GRM3: variants seen among roughly 807,000 people sequenced by gnomAD.
GRM3 encodes glutamate metabotropic receptor 3, also known as metabotropic glutamate receptor 3.
Under a neutral mutation model 70.5 loss-of-function variants are expected in GRM3, and 26 were observed. The ratio of observed to expected loss-of-function variants is 0.37; its 90% CI spans 0.27 to 0.51. The LOEUF (loss-of-function observed/expected upper bound fraction) is 0.51. Ranked by LOEUF, GRM3 falls within the 20% of genes least tolerant of loss-of-function variation. GRM3 has a pLI of 0.93. For synonymous variants in GRM3, 443 were observed against 434.9 expected, an observed-to-expected ratio of 1.02 and a Z score of -0.23; for missense variants, 859 against 1,123.8, an observed-to-expected ratio of 0.76 and a Z score of 3.37.
At chr7:86,789,231 A>G (rs1797346457) in intron 3 of GRM3, among the ~76,000 whole-genome samples, 1 of 152,194 alleles carries the variant, frequency 6.6e-6, no homozygotes, top group Non-Finnish European at 1.5e-5. Context: ...TAAACTACAT[A>G]AAAGAGAGGG....
At chr7:86,792,403 A>C (rs932712460) in intron 3 of GRM3, among the ~76,000 whole-genome samples, 2 of 152,218 alleles carry the variant, frequency 1.3e-5, no homozygotes, top group African/African-American at 4.8e-5. Flanking sequence ...TTTGCTAAGC[A>C]TAACTGCCAG....
chr7:86,707,679 T>G (rs1014497179), intron 1 of GRM3, among the ~76,000 whole-genome samples: 8 of 152,096 alleles, frequency 5.3e-5, no homozygotes, highest in Non-Finnish European at 7.4e-5. Context: ...GGTTCATTAT[T>G]ATTACATAAA....
chr7:86,704,388 C>A (rs1287682747), intron 1 of GRM3, among the ~76,000 whole-genome samples: 4 of 151,796 alleles, frequency 2.6e-5, no homozygotes, highest in Non-Finnish European at 4.4e-5. Context: ...CTAAATAATT[C>A]TTTAAAAATT....
At chr7:86,770,388 C>G (rs182794360) in intron 2 of GRM3, among the ~76,000 whole-genome samples, 53 of 152,172 alleles carry the variant, frequency 3.5e-4, no homozygotes, top group African/African-American at 1.3e-3. Flanking sequence ...GAATTTCTAG[C>G]ACTATCCACA....
intron 1 of GRM3, among the ~76,000 whole-genome samples, chr7:86,700,698 C>T (rs1405390613): frequency 6.6e-6 from 1 of 151,886 alleles, no homozygotes; most frequent in East Asian, 1.9e-4. Context: ...TATGCCATAT[C>T]AGGATCCTAT....
chr7:86,753,751 GGAAT>G (rs1302751340), intron 1 of GRM3, among the ~76,000 whole-genome samples: 1 of 152,042 alleles, frequency 6.6e-6, no homozygotes, highest in African/African-American at 2.4e-5. Flanking sequence ...TGATTTTCTA[GGAAT>G]GGATTTTATA....
At chr7:86,746,372 T>C (rs1194375057) in intron 1 of GRM3, among the ~76,000 whole-genome samples, 1 of 136,268 alleles carries the variant, frequency 7.3e-6, no homozygotes, top group Non-Finnish European at 1.6e-5. Flanking sequence ...TATATATATA[T>C]ATAATCACTT....
intron 1 of GRM3, among the ~76,000 whole-genome samples, chr7:86,754,882 A>T (rs1306449232): frequency 1.6e-4 from 25 of 152,128 alleles, no homozygotes. Flanking sequence ...TTATTCTCAG[A>T]CAGGCATTTG....
rs1798730568 is a variant in GRM3, at chr7:86,850,222, T to C, written c.2392-148T>C. 5.1e-6 allele frequency: 3 copies of C among 586,608 alleles called. No individual in the cohort carries two copies. In the South Asian group the frequency reaches 6.7e-5, roughly 13 times the overall value. 36.3% of individuals were successfully genotyped at this position (586,608 alleles called of 1,614,324 possible). ...ACTACCCCAAACATAGAAGATTCAA[T>C]ATAATTACTGTATTGATTTGGCTAC... On this transcript the variant is annotated intron_variant, in intron 4 of 5. Transcript: ENST00000361669.
intron 1 of GRM3, among the ~76,000 whole-genome samples, chr7:86,652,551 G>A (rs545283820): frequency 6.6e-6 from 1 of 152,104 alleles, no homozygotes; most frequent in Non-Finnish European, 1.5e-5. Context: ...GGCTGGTCTT[G>A]AACTCCTGAC....
intron 1 of GRM3, among the ~76,000 whole-genome samples, chr7:86,656,343 G>A (rs2115810302): frequency 7.2e-6 from 1 of 138,554 alleles, no homozygotes; most frequent in African/African-American, 2.7e-5. Context: ...TCAGCTCAGT[G>A]CTGCAACCTC....
intron 1 of GRM3, among the ~76,000 whole-genome samples, chr7:86,652,669 G>A (rs1466241464): frequency 6.6e-6 from 1 of 152,170 alleles, no homozygotes; most frequent in Non-Finnish European, 1.5e-5. Flanking sequence ...TATGGAAAAT[G>A]CTGGAACATT....
chr7:86,759,210 C>G (rs369917801), intron 1 of GRM3, among the ~76,000 whole-genome samples: 1 of 152,086 alleles, frequency 6.6e-6, no homozygotes. Flanking sequence ...CCCTCTCAGA[C>G]CAATAACATG....
intron 1 of GRM3, among the ~76,000 whole-genome samples, chr7:86,695,093 T>A (rs1031559951): frequency 6.6e-6 from 1 of 152,002 alleles, no homozygotes; most frequent in African/African-American, 2.4e-5. Flanking sequence ...AATAAAGGAG[T>A]CCATAAATGT....
intron 1 of GRM3, among the ~76,000 whole-genome samples, chr7:86,761,015 T>TA (rs1256201164): frequency 2.0e-5 from 3 of 152,158 alleles, no homozygotes; most frequent in Non-Finnish European, 4.4e-5. Context: ...ACCAATGGTA[T>TA]ACAAACTTTC....
At chr7:86,651,429 C>A (rs1046450893) in intron 1 of GRM3, among the ~76,000 whole-genome samples, 2 of 152,096 alleles carry the variant, frequency 1.3e-5, no homozygotes, top group Non-Finnish European at 2.9e-5. Context: ...GTGAATACAA[C>A]ATAATGGAAG....
At chr7:86,777,070 T>C (rs1796911076) in intron 2 of GRM3, among the ~76,000 whole-genome samples, 2 of 152,138 alleles carry the variant, frequency 1.3e-5, no homozygotes, top group African/African-American at 2.4e-5. Context: ...TAGTTCCTTG[T>C]TAGTAAGGGA....
chr7:86,856,450 T>C (rs1368346401), intron 5 of GRM3, among the ~76,000 whole-genome samples: 1 of 116,724 alleles, frequency 8.6e-6, no homozygotes, highest in Non-Finnish European at 1.7e-5. Flanking sequence ...CATCGCCCTC[T>C]GCAAAAAAAA....
chr7:86,747,801 TG>T (rs1796139756), intron 1 of GRM3, among the ~76,000 whole-genome samples: 1 of 152,108 alleles, frequency 6.6e-6, no homozygotes, highest in Non-Finnish European at 1.5e-5. Context: ...CCAATAAACA[TG>T]GAGTTGTTCA....
Sources: allele counts gnomAD v4.1 joint callset (sites outside exome capture counted in the v4.1 genomes callset), GRCh38; gene constraint gnomAD v4.1.1; transcripts MANE v1.5; gene names NCBI Gene and HGNC (gene_info 2026-07-23, HGNC 2026-07-21).